Variants in ADGRL2 observed in about 807,000 individuals in gnomAD.
ADGRL2 encodes adhesion G protein-coupled receptor L2, also known as calcium-independent alpha-latrotoxin receptor 2.
A neutral mutation model predicts 157.4 loss-of-function variants in ADGRL2; 44 were observed. The observed-to-expected ratio is 0.28, with a 90% confidence interval of 0.22 to 0.36. The LOEUF is 0.36. ADGRL2 is among the 10% of genes least tolerant of loss of function. ADGRL2 has a pLI of 1.00. For missense variants in ADGRL2, 1,510 were observed against 1,768.9 expected (o/e 0.85, Z 2.63); for synonymous variants, 585 against 624.7 (o/e 0.94, Z 0.95).
At chr1:81,857,663 A>T (rs1401610304) in intron 2 of ADGRL2, among the ~76,000 whole-genome samples, 1 of 152,118 alleles carries the variant, frequency 6.6e-6, no homozygotes, top group Admixed American at 6.6e-5. Flanking sequence ...AATAGAAAGG[A>T]TTTTGTTCTT....
chr1:81,872,058 GT>G (rs1156339220), intron 2 of ADGRL2, among the ~76,000 whole-genome samples: 1 of 152,110 alleles, frequency 6.6e-6, no homozygotes, highest in African/African-American at 2.4e-5. Context: ...GGTTTTTATG[GT>G]TTTAGGTCTG....
chr1:81,314,509 AAAAG>A lies in ADGRL2; in HGVS notation c.-302+8006_-302+8009del, dbSNP rs1247042609. ...AACCATTTGTATTAATCCACAGAAA[AAAAG>A]AAAGAGCCAGTAGAAAAAAGGAGAA... On this transcript the variant is annotated intron_variant, in intron 1 of 24. Transcript: ENST00000370721. Among the ~76,000 whole-genome samples the A allele has an allele frequency of 7.4e-4, 113 of 152,294 alleles. 1 individual carries two copies. Among genetic ancestry groups the A allele is most frequent in the African/African-American group, 2.6e-3 (108 of 41,562 alleles).
intron 1 of ADGRL2, among the ~76,000 whole-genome samples, chr1:81,825,819 T>G (rs1407418343): frequency 6.6e-6 from 1 of 151,978 alleles, no homozygotes; most frequent in South Asian, 2.1e-4. Flanking sequence ...ATTTTTAGAG[T>G]TTGTTCCAGT....
intron 1 of ADGRL2, among the ~76,000 whole-genome samples, chr1:81,362,342 C>T (rs796810143): frequency 1.8e-4 from 28 of 151,844 alleles, no homozygotes; most frequent in African/African-American, 6.3e-4. Flanking sequence ...TCCCAAAGAA[C>T]TCTTTTCATT....
At chr1:81,515,944 T>C (rs2079168225) in intron 2 of ADGRL2, among the ~76,000 whole-genome samples, 1 of 152,176 alleles carries the variant, frequency 6.6e-6, no homozygotes, top group African/African-American at 2.4e-5. Flanking sequence ...AATCAAGTAT[T>C]CAAATATAAT....
chr1:81,966,627 A>G lies in ADGRL2; in HGVS notation c.2349+18A>G, dbSNP rs774333176. 1 of 1,602,448 alleles carries G rather than the reference A, an allele frequency of 6.2e-7. No individual in the cohort carries two copies. Among genetic ancestry groups the G allele is most frequent in the Non-Finnish European group, 8.6e-7 (1 of 1,169,402 alleles). On this transcript the variant is annotated intron_variant, in intron 13 of 23. Transcript: ENST00000686636. ...ACATTGATGTAAGTTAATGTATGCT[A>G]ATGAAGTAATGGAAGGTTATAAAAG... is the stretch of plus-strand genomic sequence containing the variant.
At chr1:81,546,270 C>A (rs981989849) in intron 2 of ADGRL2, among the ~76,000 whole-genome samples, 1 of 152,184 alleles carries the variant, frequency 6.6e-6, no homozygotes, top group Non-Finnish European at 1.5e-5. Flanking sequence ...CTATGGGTTA[C>A]ACGTGAACTT....
intron 3 of ADGRL2, among the ~76,000 whole-genome samples, chr1:81,921,127 A>G (rs1323981645): frequency 2.0e-5 from 3 of 152,132 alleles, no homozygotes; most frequent in African/African-American, 4.8e-5. Flanking sequence ...TGAAATGGAA[A>G]AGTTTAAGGG....
In ADGRL2 at chr1:81,403,799, A is replaced by ATTTTTT. The variant is rs200477492; in HGVS notation, c.-301-41226_-301-41221dup. 2.9e-5 allele frequency among the ~76,000 whole-genome samples: 4 copies of ATTTTTT among 139,258 alleles called. 1 individual carries two copies. Among genetic ancestry groups the ATTTTTT allele is most frequent in the Non-Finnish European group, 4.6e-5 (3 of 65,002 alleles). 91.4% of individuals were successfully genotyped at this position (139,258 alleles called of 152,430 possible). On this transcript the variant is annotated intron_variant, in intron 1 of 24. Transcript: ENST00000370721. ...GTAGTCAGTAAAGCCAATGTCTTTG[A>ATTTTTT]TTTTTTTTTTTTTTTTGAGACAGAA...
chr1:81,927,677 A>T (rs1005177045), intron 3 of ADGRL2, among the ~76,000 whole-genome samples: 8 of 152,002 alleles, frequency 5.3e-5, no homozygotes, highest in Non-Finnish European at 7.4e-5. Context: ...TGATGGTTAG[A>T]AATCTAGACT....
intron 1 of ADGRL2, among the ~76,000 whole-genome samples, chr1:81,329,821 A>C (rs1222304295): frequency 6.6e-6 from 1 of 152,186 alleles, no homozygotes; most frequent in Non-Finnish European, 1.5e-5. Flanking sequence ...CTGGTTTCAC[A>C]CTATAAAATG....
intron 1 of ADGRL2, among the ~76,000 whole-genome samples, chr1:81,420,708 A>C (rs947327478): frequency 6.6e-6 from 1 of 152,080 alleles, no homozygotes; most frequent in Non-Finnish European, 1.5e-5. Flanking sequence ...TCTCTCCTTC[A>C]GTTGTCGTGC....
chr1:81,982,509 G>A (rs555464355), intron 19 of ADGRL2, among the ~76,000 whole-genome samples: 1 of 151,884 alleles, frequency 6.6e-6, no homozygotes, highest in Non-Finnish European at 1.5e-5. Context: ...CAGATGAAAA[G>A]CTTTAATCTG....
At chr1:81,877,447 A>G (rs957135391) in intron 2 of ADGRL2, among the ~76,000 whole-genome samples, 1 of 152,148 alleles carries the variant, frequency 6.6e-6, no homozygotes, top group East Asian at 1.9e-4. Flanking sequence ...TGCCTGATAT[A>G]TATAGTAAGA....
intron 2 of ADGRL2, among the ~76,000 whole-genome samples, chr1:81,511,624 A>G (rs1010164551): frequency 6.6e-6 from 1 of 152,080 alleles, no homozygotes; most frequent in South Asian, 2.1e-4. Context: ...TAAATTAGTA[A>G]TCTCACTTTT....
chr1:81,970,583 A>T, intron 16 of ADGRL2, 49 bp downstream of exon 16: 1 of 1,446,546 alleles, frequency 6.9e-7, no homozygotes, highest in Middle Eastern at 2.3e-4. Flanking sequence ...ATAATTTTTT[A>T]AAGCCTGTTA....
intron 23 of ADGRL2, among the ~76,000 whole-genome samples, chr1:81,989,474 C>A (rs911066340): frequency 6.6e-6 from 1 of 151,938 alleles, no homozygotes; most frequent in Non-Finnish European, 1.5e-5. Flanking sequence ...AAGCCTGGGG[C>A]CATTGCTATT....
intron 2 of ADGRL2, among the ~76,000 whole-genome samples, chr1:81,857,909 C>A (rs775230739): frequency 1.3e-5 from 2 of 151,834 alleles, no homozygotes; most frequent in Non-Finnish European, 2.9e-5. Flanking sequence ...TCTTCTTTAT[C>A]CTTACTACTA....
intron 2 of ADGRL2, among the ~76,000 whole-genome samples, chr1:81,905,106 T>G (rs1357963721): frequency 6.6e-6 from 1 of 151,926 alleles, no homozygotes; most frequent in Admixed American, 6.6e-5. Context: ...ATACTTTTTT[T>G]TTTTTTTGAG....
Sources: gnomAD v4.1 joint callset for allele counts (sites outside exome capture counted in the v4.1 genomes callset) on GRCh38, gnomAD v4.1.1 for gene constraint, MANE v1.5 for transcripts, NCBI Gene and HGNC (gene_info 2026-07-23, HGNC 2026-07-21) for gene names.